The following CD46 variants were observed in gnomAD, a reference collection of about 807,000 sequenced individuals.
CD46 encodes membrane cofactor protein.
Under a neutral mutation model 53.3 loss-of-function variants are expected in CD46, and 30 were observed. The ratio of observed to expected loss-of-function variants is 0.56; its 90% CI spans 0.42 to 0.76. The LOEUF (loss-of-function observed/expected upper bound fraction) is 0.76. Ranked by LOEUF, CD46 falls within the 30% of genes least tolerant of loss-of-function variation. CD46 has a pLI of 0.00. For synonymous variants in CD46, 142 were observed against 152.0 expected (o/e 0.93, Z 0.48); for missense variants, 409 against 463.0 (o/e 0.88, Z 1.07).
chr1:207,759,614 AG>A (rs762364278), intron 3 of CD46, 24 bp from the exon 4 acceptor site: 1 of 1,270,938 alleles, frequency 7.9e-7, no homozygotes, highest in Admixed American at 1.7e-5. Flanking sequence ...TATACAAAAC[AG>A]TAACCCTTTC....
At chr1:207,767,689 A>G (rs563489451) in intron 6 of CD46, 90 bp from the exon 7 acceptor site, 2 of 1,594,904 alleles carry the variant, frequency 1.3e-6, no homozygotes, top group Admixed American at 1.7e-5. Context: ...TCTTCCTTAT[A>G]TGTTACAAGA....
chr1:207,777,636 A>C (rs1330373471), intron 8 of CD46, among the ~76,000 whole-genome samples: 1 of 152,032 alleles, frequency 6.6e-6, no homozygotes. Flanking sequence ...TTTTATGGCT[A>C]CGTAGTATTC....
In CD46 at chr1:207,758,446, G is replaced by A. The variant is rs185612518; in HGVS notation, c.389+804G>A. ...AAAAAAGACAAAGCACAAGGGAGGGGGTTCTCGCTTTATAACAACGTGCTC... is the reference window on the plus strand; with the variant it reads ...AAAAAAGACAAAGCACAAGGGAGGGAGTTCTCGCTTTATAACAACGTGCTC... On this transcript the variant is annotated intron_variant, in intron 3 of 12. Coordinates refer to ENST00000367042, the MANE Select transcript of CD46 (RefSeq NM_172351.3). Among the ~76,000 whole-genome samples the A allele has an allele frequency of 2.6e-5, 4 of 152,192 alleles. No individual in the cohort carries two copies. In the East Asian group the frequency reaches 7.7e-4, roughly 29 times the overall value.
At chr1:207,781,807 T>C (rs752251427) in intron 8 of CD46, among the ~76,000 whole-genome samples, 6 of 152,218 alleles carry the variant, frequency 3.9e-5, no homozygotes, top group Non-Finnish European at 8.8e-5. Flanking sequence ...TCATTACCAT[T>C]GTTTTGATTA....
chr1:207,788,522 A>C (rs553517977), intron 11 of CD46, among the ~76,000 whole-genome samples: 39 of 152,110 alleles, frequency 2.6e-4, no homozygotes, highest in Non-Finnish European at 4.4e-4. Context: ...CATCTCAAAA[A>C]CAAAAAACAC....
rs1655984089 is a variant in CD46, at chr1:207,759,815, A to T, written c.475+91A>T. 4.2e-6 allele frequency: 3 copies of T among 720,094 alleles called. No homozygotes were observed. In the South Asian group the frequency reaches 4.8e-5, roughly 12 times the overall value. The allele number at this position is 720,094 out of a possible 1,614,324, so 44.6% of individuals were successfully genotyped here. On this transcript the variant is annotated intron_variant, in intron 4 of 12. Coordinates refer to ENST00000367042, the MANE Select transcript of CD46 (RefSeq NM_172351.3). ...CCTTTACACTTTAAGATTAACAAAG[A>T]TCCCAAAGAGGTTTCTTTTATGTGG...
intron 1 of CD46, among the ~76,000 whole-genome samples, chr1:207,755,601 C>T (rs529002211): frequency 1.6e-4 from 24 of 152,322 alleles, no homozygotes; most frequent in African/African-American, 4.6e-4. Flanking sequence ...TCCTGTTGTG[C>T]GTGGTCTCTT....
At chr1:207,756,328 A>G (rs1655533812) in intron 1 of CD46, among the ~76,000 whole-genome samples, 1 of 152,232 alleles carries the variant, frequency 6.6e-6, no homozygotes, top group South Asian at 2.1e-4. Flanking sequence ...AGGAGTAAAC[A>G]CTCACCATCA....
rs66758503 is a variant in CD46 at position 207,779,913 on chromosome 1, C to CTTTTTTTTTTTTTTTTTTTTTTTTTTT, written c.944-3360_944-3359insTTTTTTTTTTTTTTTTTTTTTTTTTTT. ...TTCTATTCTTGTAGCAAAAGCAAGT[C>CTTTTTTTTTTTTTTTTTTTTTTTTTTT]TTTTTTTTTTTTTTTTTTTACTGTA... On this transcript the variant is annotated intron_variant, in intron 8 of 12. Coordinates refer to ENST00000367042, the MANE Select transcript of CD46 (RefSeq NM_172351.3). Among the ~76,000 whole-genome samples the CTTTTTTTTTTTTTTTTTTTTTTTTTTT allele has an allele frequency of 5.6e-4, 35 of 62,378 alleles. 6 individuals carry two copies. The highest frequency in any genetic ancestry group is 8.2e-4 in the African/African-American group (13 of 15,834). 40.9% of individuals were successfully genotyped at this position (62,378 alleles called of 152,430 possible). A position where few individuals can be genotyped will look rare whatever the true frequency, so the allele number is the denominator to read the frequency against.
intron 8 of CD46, among the ~76,000 whole-genome samples, chr1:207,770,826 A>G (rs1471676342): frequency 6.6e-6 from 1 of 152,160 alleles, no homozygotes; most frequent in Non-Finnish European, 1.5e-5. Context: ...GGTTGGTTCC[A>G]AGTCTTTGCT....
chr1:207,766,535 A>C (rs1327107459), intron 5 of CD46, among the ~76,000 whole-genome samples: 2 of 152,170 alleles, frequency 1.3e-5, no homozygotes, highest in Non-Finnish European at 2.9e-5. Flanking sequence ...ATTTGAAAAA[A>C]TATTGGCCAA....
rs773860894 is a variant in CD46, at chr1:207,761,356, C to T, written c.583C>T (p.Pro195Ser). 8 of 1,613,594 alleles carry T rather than the reference C, an allele frequency of 5.0e-6. No homozygotes were observed. In the East Asian group the frequency reaches 1.8e-4, roughly 36 times the overall value. The change falls in exon 5 of 13, where the codon CCT becomes TCT. Residue 195 changes from proline (P) to serine (S), a missense_variant. Physicochemically the swap from Pro to Ser is moderately conservative, Grantham distance 74. Transcript: ENST00000367042. The stretch of plus-strand genomic sequence containing the variant: ...AGTAACTTATAGTTGTGATCCTGCA[C>T]CTGGACCAGATCCATTTTCACTTAT... ...DAVTYSCDPA[P>S]GPDPFSLIGE...
At chr1:207,758,434 C>T (rs1655812440) in intron 3 of CD46, among the ~76,000 whole-genome samples, 1 of 152,126 alleles carries the variant, frequency 6.6e-6, no homozygotes, top group African/African-American at 2.4e-5. Context: ...AAAGACAAAG[C>T]ACAAGGGAGG....
rs1166490346 is a variant in CD46, at chr1:207,752,188, A to T, written c.-25A>T. ...CGGTTTCTCTGCTTTCCTCCGGAGA[A>T]ATAACAGCGTCTTCCGCGCCGCGCA... On this transcript the variant is annotated 5_prime_UTR_variant, in exon 1 of 13. Coordinates refer to ENST00000367042, the MANE Select transcript of CD46 (RefSeq NM_172351.3). The surrounding 1 kb of genome is among the most constrained non-coding windows in gnomAD (Gnocchi z 4.1). 6.2e-7 allele frequency: 1 copy of T among 1,609,194 alleles called. No homozygotes were observed. Among genetic ancestry groups the T allele is most frequent in the East Asian group, 2.2e-5 (1 of 44,858 alleles).
chr1:207,767,165 T>G lies in CD46; in HGVS notation c.826T>G (p.Trp276Gly). ...AATTGTCTGTGACAGTAACAGTACT[T>G]GGGATCCCCCAGTTCCAAAGTGTCT... The part of the protein sequence containing the change: ...DTIVCDSNST[W>G]DPPVPKCLKV... The change falls in exon 6 of 13, where the codon TGG becomes GGG. Residue 276 changes from tryptophan (W) to glycine (G), a missense_variant. Transcript: ENST00000367042. 6.2e-7 allele frequency: 1 copy of G among 1,613,886 alleles called. No homozygotes were observed. The highest frequency in any genetic ancestry group is 1.1e-5 in the South Asian group (1 of 91,082).
At chr1:207,756,807 CA>C (rs1400885722) in intron 1 of CD46, among the ~76,000 whole-genome samples, 1 of 152,168 alleles carries the variant, frequency 6.6e-6, no homozygotes, top group African/African-American at 2.4e-5. Flanking sequence ...CCAAACAAAC[CA>C]AAAGCTAATA....
intron 11 of CD46, 87 bp downstream of exon 11, chr1:207,785,769 C>T: frequency 1.3e-6 from 1 of 786,102 alleles, no homozygotes. Context: ...ATCTGTATTG[C>T]ATGCTATCTT....
chr1:207,789,095 G>C (rs1473460405), intron 11 of CD46, among the ~76,000 whole-genome samples: 1 of 152,134 alleles, frequency 6.6e-6, no homozygotes. Flanking sequence ...GCATGACTGT[G>C]CTTCTGAACA....
In CD46 at chr1:207,761,433, T is replaced by C. The variant is rs1320052889; in HGVS notation, c.660T>C (p.Ala220=). The C allele has an allele frequency of 1.2e-6, 2 of 1,613,408 alleles. No homozygotes were observed. Among genetic ancestry groups the C allele is most frequent in the Non-Finnish European group, 1.7e-6 (2 of 1,179,436 alleles). Residue 220 remains alanine (A), a synonymous_variant, in exon 5 of 13, where the codon GCT becomes GCC. Transcript: ENST00000367042. ...CGDNSVWSRA[A]PECKVVKCRF... Reference sequence around the variant, plus strand: ...ACAATTCAGTGTGGAGTCGTGCTGCTCCAGAGTGTAAAGGTAGTGTTTCAA... The same window carrying C: ...ACAATTCAGTGTGGAGTCGTGCTGCCCCAGAGTGTAAAGGTAGTGTTTCAA...
Sources: gnomAD v4.1 joint callset for allele counts (sites outside exome capture counted in the v4.1 genomes callset) on GRCh38, gnomAD v4.1.1 for gene constraint, Gnocchi (gnomAD v3.1) non-coding constraint, MANE v1.5 for transcripts, NCBI Gene and HGNC (gene_info 2026-07-23, HGNC 2026-07-21) for gene names.